Variants in NPHP4 observed in about 807,000 individuals in gnomAD.
The protein encoded by NPHP4 is nephrocystin-4.
Under a neutral mutation model 155.8 loss-of-function variants are expected in NPHP4, and 151 were observed. That is an observed-to-expected ratio of 0.97 (90% confidence interval 0.85 to 1.11). The LOEUF is 1.11. Among genes scored for constraint, NPHP4 ranks in the 50% least tolerant of loss-of-function variants. NPHP4 has a pLI of 0.00. For synonymous variants in NPHP4, 845 were observed against 816.8 expected, an observed-to-expected ratio of 1.03 and a Z score of -0.59; for missense variants, 1,956 against 1,925.7, an observed-to-expected ratio of 1.02 and a Z score of -0.29.
rs531682589 is a variant in NPHP4 at position 5,904,743 on chromosome 1, A to G, written c.2017T>C (p.Tyr673His). 1.9e-6 allele frequency: 3 copies of G among 1,613,906 alleles called. No homozygotes were observed. Among genetic ancestry groups the G allele is most frequent in the Non-Finnish European group, 2.5e-6 (3 of 1,179,908 alleles). Residue 673 changes from tyrosine (Y) to histidine (H), a missense_variant, in exon 16 of 30, where the codon TAC (tyrosine) becomes CAC (histidine). By Grantham distance (83) the Tyr-to-His change is moderately conservative. Coordinates refer to ENST00000378156, the MANE Select transcript of NPHP4 (RefSeq NM_015102.5). The part of the protein sequence containing the change: ...PKTVYFTFQF[Y>H]RFPPATTPRL... ...GGCGTCGTTGCGGGTGGGAAGCGGT[A>G]GAACTGGAAGGTGAAATACACAGTC... is the stretch of plus-strand genomic sequence containing the variant.
intron 9 of NPHP4, 36 bp from the exon 10 acceptor site, chr1:5,933,365 A>G (rs1394921919): frequency 6.4e-7 from 1 of 1,562,380 alleles, no homozygotes; most frequent in Non-Finnish European, 8.8e-7. Flanking sequence ...TGTATGAGTT[A>G]TCACAGAAGT....
At position 5,887,274 on chromosome 1, in the gene NPHP4, G is replaced by A. The variant is rs769480369; in HGVS notation, c.2485+12C>T. 29 of 1,608,548 alleles carry A rather than the reference G, an allele frequency of 1.8e-5. No individual in the cohort carries two copies. Among genetic ancestry groups the A allele is most frequent in the Non-Finnish European group, 2.4e-5 (28 of 1,177,484 alleles). The stretch of plus-strand genomic sequence containing the variant: ...GCCGCTGGAGAAATGGCACAAGGCT[G>A]GGGACTCTTACCCACGTTGGCCAAA... On this transcript the variant is annotated intron_variant, in intron 18 of 29. Coordinates refer to ENST00000378156, the MANE Select transcript of NPHP4 (RefSeq NM_015102.5).
Position 5,986,346 on chromosome 1 carries a change from A to T in NPHP4, c.-38-19T>A. On this transcript the variant is annotated intron_variant, in intron 1 of 29. Transcript: ENST00000378156. The stretch of plus-strand genomic sequence containing the variant: ...GGATGATCTGTGCCAGTCGTATTCA[A>T]ATAAAGAGAAGAGCTGTGAGGGCTA... The T allele has an allele frequency of 6.3e-7, 1 of 1,597,028 alleles. No homozygotes were observed. Among genetic ancestry groups the T allele is most frequent in the Admixed American group, 1.7e-5 (1 of 58,556 alleles).
At chr1:5,906,103 T>C (rs1198804242) in intron 13 of NPHP4, among the ~76,000 whole-genome samples, 1 of 152,172 alleles carries the variant, frequency 6.6e-6, no homozygotes, top group Non-Finnish European at 1.5e-5. Context: ...GAGGGAATCC[T>C]AATTTTATGA....
chr1:5,942,220 C>T (rs1030075220), intron 9 of NPHP4, among the ~76,000 whole-genome samples: 8 of 152,036 alleles, frequency 5.3e-5, no homozygotes, highest in Admixed American at 3.3e-4. Context: ...GCAACATACG[C>T]ATTAAAAATT....
At chr1:5,984,961 C>T (rs559994968) in intron 2 of NPHP4, among the ~76,000 whole-genome samples, 15 of 152,150 alleles carry the variant, frequency 9.9e-5, no homozygotes, top group East Asian at 1.9e-4. Context: ...GTCTATAAAA[C>T]GGGAGTAAGG....
chr1:5,977,162 C>T (rs1029232102), intron 3 of NPHP4, among the ~76,000 whole-genome samples: 3 of 152,146 alleles, frequency 2.0e-5, no homozygotes, highest in African/African-American at 7.2e-5. Context: ...AGCAGCCAGG[C>T]ATGGGAAAGG....
In NPHP4 at chr1:5,863,959, G is replaced by T; in HGVS notation, c.4071C>A (p.Pro1357=). Residue 1357 remains proline (P), a synonymous_variant, in exon 29 of 30, where the codon CCC becomes CCA. Transcript: ENST00000378156. ...NKRITYTNPY[P]SRRTFHLHSD... ...TGTGCAGGTGGAATGTCCTCCGGGA[G>T]GGGTAGGGGTTGGTGTAGGTGATCC... The T allele has an allele frequency of 6.2e-7, 1 of 1,613,838 alleles. No homozygotes were observed. Among genetic ancestry groups the T allele is most frequent in the Non-Finnish European group, 8.5e-7 (1 of 1,179,766 alleles).
chr1:5,895,196 G>A (rs541769566), intron 16 of NPHP4, among the ~76,000 whole-genome samples: 78 of 152,226 alleles, frequency 5.1e-4, no homozygotes, highest in African/African-American at 1.7e-3. Flanking sequence ...GTGGGGGAAG[G>A]GGGGAGGGAT....
At chr1:5,947,253 G>A (rs370991325) in intron 8 of NPHP4, 23 bp from the exon 9 acceptor site, 324 of 1,612,360 alleles carry the variant, frequency 2.0e-4, no homozygotes, top group Admixed American at 3.8e-4. Context: ...CACAAACCAG[G>A]GACACATTAG....
At chr1:5,968,002 G>A (rs1289536190) in intron 4 of NPHP4, among the ~76,000 whole-genome samples, 3 of 151,934 alleles carry the variant, frequency 2.0e-5, no homozygotes, top group African/African-American at 4.8e-5. Flanking sequence ...CTCCTACACA[G>A]AGCCTGGCAC....
rs1640810519 is a variant in NPHP4 at position 5,863,157 on chromosome 1, G to T, written c.*108C>A. On this transcript the variant is annotated 3_prime_UTR_variant, in exon 30 of 30. Transcript: ENST00000378156. Reference sequence around the variant, plus strand: ...CCAAGTGCACAGGTCAGCCAGGTGGGCACTGAAGTGAAAGGCTGCAGAGAG... The same window carrying T: ...CCAAGTGCACAGGTCAGCCAGGTGGTCACTGAAGTGAAAGGCTGCAGAGAG... The T allele has an allele frequency of 6.6e-6, 8 of 1,213,124 alleles. No homozygotes were observed. Among genetic ancestry groups the T allele is most frequent in the Non-Finnish European group, 9.8e-6 (8 of 819,514 alleles). The allele number at this position is 1,213,124 out of a possible 1,614,324, so 75.1% of individuals were successfully genotyped here. A position where few individuals can be genotyped will look rare whatever the true frequency, so the allele number is the denominator to read the frequency against.
At chr1:5,888,933 C>T (rs564720825) in intron 17 of NPHP4, among the ~76,000 whole-genome samples, 1 of 152,270 alleles carries the variant, frequency 6.6e-6, no homozygotes, top group Non-Finnish European at 1.5e-5. Flanking sequence ...GCACAAGCCC[C>T]GGAGACAGAA....
At chr1:5,866,787 C>T (rs745584043) in intron 25 of NPHP4, among the ~76,000 whole-genome samples, 21 of 152,160 alleles carry the variant, frequency 1.4e-4, no homozygotes. Flanking sequence ...ATTAACTTTG[C>T]TTCGTGCCTT....
At chr1:5,945,333 C>T (rs1419278120) in intron 9 of NPHP4, among the ~76,000 whole-genome samples, 1 of 151,902 alleles carries the variant, frequency 6.6e-6, no homozygotes, top group African/African-American at 2.4e-5. Flanking sequence ...GCCACACCCA[C>T]CCCAGAAGAC....
Position 5,889,856 on chromosome 1 carries a change from C to G in NPHP4, c.2304+1012G>C, listed in dbSNP as rs1015765383. Among the ~76,000 whole-genome samples the G allele has an allele frequency of 6.6e-6, 1 of 152,230 alleles. No homozygotes were observed. The highest frequency in any genetic ancestry group is 1.5e-5 in the Non-Finnish European group (1 of 68,034). ...GAGTCCCTGCCACCTGCAGACCCCA[C>G]CCTGAACGTTCTGTGCACAGCCCAC... On this transcript the variant is annotated intron_variant, in intron 17 of 29. Coordinates refer to ENST00000378156, the MANE Select transcript of NPHP4 (RefSeq NM_015102.5). The surrounding 1 kb of genome is among the most constrained non-coding windows in gnomAD (Gnocchi z 4.2).
chr1:5,904,699 C>T lies in NPHP4; in HGVS notation c.2061G>A (p.Gln687=), dbSNP rs766520802. The change falls in exon 16 of 30, where the codon CAG becomes CAA. Residue 687 remains glutamine, a synonymous_variant. Coordinates refer to ENST00000378156, the MANE Select transcript of NPHP4 (RefSeq NM_015102.5). The part of the protein sequence containing the change: ...PATTPRLQLV[Q]LDEAGQPSSG... ...AGCTGGGCTGGCCGGCCTCATCCAG[C>T]TGGACCAGCTGCAGTCGTGGCGTCG... is the stretch of plus-strand genomic sequence containing the variant. 6.2e-7 allele frequency: 1 copy of T among 1,614,044 alleles called. No individual in the cohort carries two copies. Among genetic ancestry groups the T allele is most frequent in the Non-Finnish European group, 8.5e-7 (1 of 1,179,896 alleles).
chr1:5,902,932 C>T lies in NPHP4; in HGVS notation c.2143+1685G>A, dbSNP rs1428771474. ...GAGTGACTGACTTCTGATCTTGTGG[C>T]ATTATGGCCAGAGAAAGTTATAAAA... On this transcript the variant is annotated intron_variant, in intron 16 of 29. Coordinates refer to ENST00000378156, the MANE Select transcript of NPHP4 (RefSeq NM_015102.5). Among the ~76,000 whole-genome samples, 5 of 152,116 alleles carry T rather than the reference C, an allele frequency of 3.3e-5. No individual in the cohort carries two copies. The East Asian group carries it at 9.6e-4, about 29-fold the overall frequency.
chr1:5,881,043 G>A (rs577669722), intron 18 of NPHP4: 8 of 152,326 alleles, frequency 5.3e-5, no homozygotes, highest in African/African-American at 1.4e-4. Context: ...CCATTTTCCC[G>A]GGAGCTGTTA....
Sources: allele counts gnomAD v4.1 joint callset (sites outside exome capture counted in the v4.1 genomes callset), GRCh38; gene constraint gnomAD v4.1.1; non-coding constraint Gnocchi (gnomAD v3.1); transcripts MANE v1.5; gene names NCBI Gene and HGNC (gene_info 2026-07-23, HGNC 2026-07-21).